The following NBEA variants were observed in gnomAD, a reference collection of about 807,000 sequenced individuals.
NBEA encodes lysosomal-trafficking regulator 2.
Under a neutral mutation model 343.4 loss-of-function variants are expected in NBEA, and 44 were observed. That is an observed-to-expected ratio of 0.13 (90% CI 0.10 to 0.16). The LOEUF (loss-of-function observed/expected upper bound fraction) is 0.16. Ranked by LOEUF, NBEA falls within the 10% of genes least tolerant of loss-of-function variation. NBEA has a pLI of 1.00. For missense variants in NBEA, 2,555 were observed against 3,631.3 expected (o/e 0.70, Z 7.62); for synonymous variants, 1,175 against 1,238.7 (o/e 0.95, Z 1.08).
intron 48 of NBEA, among the ~76,000 whole-genome samples, chr13:35,622,593 T>C (rs1472896078): frequency 6.6e-6 from 1 of 152,228 alleles, no homozygotes; most frequent in Non-Finnish European, 1.5e-5. Flanking sequence ...AGTTGAATTA[T>C]TGAAGTTGTA....
intron 49 of NBEA, among the ~76,000 whole-genome samples, chr13:35,640,354 C>G (rs1248905696): frequency 6.6e-6 from 1 of 152,160 alleles, no homozygotes; most frequent in African/African-American, 2.4e-5. Flanking sequence ...ACACATGCCC[C>G]TTTGTGCACA....
chr13:35,084,870 A>C (rs1157971795), intron 10 of NBEA, among the ~76,000 whole-genome samples: 5 of 152,148 alleles, frequency 3.3e-5, no homozygotes, highest in Non-Finnish European at 5.9e-5. Flanking sequence ...AGAAGAATCA[A>C]ATAGATGCAA....
At chr13:35,341,590 G>A (rs1270233736) in intron 36 of NBEA, among the ~76,000 whole-genome samples, 1 of 151,930 alleles carries the variant, frequency 6.6e-6, no homozygotes, top group Non-Finnish European at 1.5e-5. Context: ...GAAGATACAA[G>A]TAGACATTTC....
intron 41 of NBEA, among the ~76,000 whole-genome samples, chr13:35,532,638 C>T (rs1362636911): frequency 2.0e-5 from 3 of 151,964 alleles, no homozygotes; most frequent in Admixed American, 6.6e-5. Flanking sequence ...AAGAAAAACA[C>T]GTATTTAGAA....
chr13:35,100,436 G>A (rs2065586093), intron 11 of NBEA, among the ~76,000 whole-genome samples: 1 of 151,780 alleles, frequency 6.6e-6, no homozygotes, highest in African/African-American at 2.4e-5. Context: ...CTCTTTTTCT[G>A]TATCTAGAGT....
chr13:35,194,239 G>A (rs560672744), intron 30 of NBEA, among the ~76,000 whole-genome samples: 11 of 152,040 alleles, frequency 7.2e-5, no homozygotes, highest in African/African-American at 2.6e-4. Context: ...TAGTATGTGT[G>A]TACAAAACTT....
intron 2 of NBEA, among the ~76,000 whole-genome samples, chr13:35,043,693 ATTAT>A (rs1037620502): frequency 1.1e-4 from 17 of 151,940 alleles, no homozygotes; most frequent in African/African-American, 4.1e-4. Context: ...GTTAAATAAA[ATTAT>A]TTAATTATTA....
At chr13:34,955,208 G>A (rs1378705314) in intron 1 of NBEA, among the ~76,000 whole-genome samples, 1 of 151,418 alleles carries the variant, frequency 6.6e-6, no homozygotes, top group East Asian at 1.9e-4. Context: ...ACTTTCATAT[G>A]GAAACTTCCG....
At chr13:35,657,340 G>C (rs1264130379) in intron 55 of NBEA, among the ~76,000 whole-genome samples, 9 of 152,200 alleles carry the variant, frequency 5.9e-5, no homozygotes, top group African/African-American at 2.2e-4. Context: ...ATTTGAACAA[G>C]ATGTGATCTT....
chr13:35,567,493 G>T (rs978226519), intron 45 of NBEA, among the ~76,000 whole-genome samples: 6 of 152,130 alleles, frequency 3.9e-5, no homozygotes, highest in East Asian at 1.9e-4. Flanking sequence ...AGAAAATGGT[G>T]CATAACGGTA....
chr13:35,210,033 G>A (rs1312944838), intron 32 of NBEA, among the ~76,000 whole-genome samples: 1 of 151,936 alleles, frequency 6.6e-6, no homozygotes, highest in Non-Finnish European at 1.5e-5. Context: ...TTTTACTAAA[G>A]TATATACGTT....
chr13:35,239,804 A>G (rs2152777136), intron 34 of NBEA, among the ~76,000 whole-genome samples: 1 of 152,014 alleles, frequency 6.6e-6, no homozygotes, highest in Admixed American at 6.5e-5. Context: ...TTAAAATATC[A>G]TTTGCCAATG....
chr13:35,492,180 T>A (rs532117519), intron 41 of NBEA, among the ~76,000 whole-genome samples: 1 of 151,914 alleles, frequency 6.6e-6, no homozygotes, highest in East Asian at 1.9e-4. Flanking sequence ...ACAGTGGAGT[T>A]TGGGAACTCA....
intron 1 of NBEA, among the ~76,000 whole-genome samples, chr13:34,988,597 C>T (rs534274568): frequency 5.3e-5 from 8 of 150,982 alleles, no homozygotes; most frequent in East Asian, 1.9e-4. Context: ...TGGGATCCGC[C>T]GAGCCAGACA....
At chr13:35,336,023 C>A (rs2039235888) in intron 36 of NBEA, among the ~76,000 whole-genome samples, 1 of 152,026 alleles carries the variant, frequency 6.6e-6, no homozygotes. Flanking sequence ...ACACAGAGTT[C>A]CTTAGGAAAA....
intron 36 of NBEA, among the ~76,000 whole-genome samples, chr13:35,315,184 A>C (rs976133734): frequency 6.6e-6 from 1 of 152,212 alleles, no homozygotes; most frequent in Non-Finnish European, 1.5e-5. Flanking sequence ...ATGAAGATAA[A>C]AATCTTTAAG....
chr13:35,184,002 C>G lies in NBEA; in HGVS notation c.4858C>G (p.Pro1620Ala). The G allele has an allele frequency of 6.2e-7, 1 of 1,611,614 alleles. No homozygotes were observed. The highest frequency in any genetic ancestry group is 8.5e-7 in the Non-Finnish European group (1 of 1,178,484). ...TGTGGTCATACCATCTATCCCTCATCCAAGTTTGAACCATGGATTCCTTGC... is the reference window on the plus strand; with the variant it reads ...TGTGGTCATACCATCTATCCCTCATGCAAGTTTGAACCATGGATTCCTTGC... ...TVVVIPSIPH[P>A]SLNHGFLAKL... Residue 1620 changes from proline to alanine, a missense_variant, in exon 30 of 59, where the codon CCA (proline) becomes GCA (alanine). Physicochemically the swap from Pro to Ala is conservative, Grantham distance 27. This residue lies in a region of NBEA where 270 missense variants were observed against 293.3 expected (regional missense o/e 0.92). Coordinates refer to ENST00000379939, the MANE Select transcript of NBEA (RefSeq NM_001385012.1).
At chr13:35,088,401 C>T (rs1322361609) in intron 10 of NBEA, among the ~76,000 whole-genome samples, 1 of 151,796 alleles carries the variant, frequency 6.6e-6, no homozygotes, top group Non-Finnish European at 1.5e-5. Context: ...TTTTTATGGT[C>T]GTTGAGCTAT....
intron 26 of NBEA, among the ~76,000 whole-genome samples, chr13:35,172,677 C>G (rs984623624): frequency 6.6e-6 from 1 of 151,996 alleles, no homozygotes; most frequent in Non-Finnish European, 1.5e-5. Context: ...CTGTTCTAAG[C>G]ACTTTCTATA....
Sources: allele counts gnomAD v4.1 joint callset (sites outside exome capture counted in the v4.1 genomes callset), GRCh38; gene constraint gnomAD v4.1.1; regional missense constraint gnomAD v4.1.1; transcripts MANE v1.5; gene names NCBI Gene and HGNC (gene_info 2026-07-23, HGNC 2026-07-21).